The following PLXNA1 variants were observed in gnomAD, a reference collection of about 807,000 sequenced individuals.
The protein encoded by PLXNA1 is plexin A1.
In PLXNA1, 77 loss-of-function variants were observed where a neutral mutation model predicts 191.7. The ratio of observed to expected loss-of-function variants is 0.40; its 90% CI spans 0.33 to 0.49. The LOEUF is 0.49. Among genes scored for constraint, PLXNA1 ranks in the 20% least tolerant of loss-of-function variants. PLXNA1 has a pLI of 0.63. For synonymous variants in PLXNA1, 1,137 were observed against 1,156.4 expected (o/e 0.98, Z 0.34); for missense variants, 2,110 against 2,660.2 (o/e 0.79, Z 4.55).
intron 3 of PLXNA1, among the ~76,000 whole-genome samples, chr3:127,002,088 C>T (rs2079043655): frequency 6.6e-6 from 1 of 152,236 alleles, no homozygotes; most frequent in Admixed American, 6.5e-5. Flanking sequence ...GCCCCACCGG[C>T]AGGGGTGCTG....
intron 8 of PLXNA1, 45 bp downstream of exon 8, chr3:127,006,223 T>A: frequency 2.8e-6 from 4 of 1,447,786 alleles, no homozygotes; most frequent in South Asian, 1.1e-5. Context: ...CTGGGCTACT[T>A]GCCCCACTCC....
At position 127,007,840 on chromosome 3, in the gene PLXNA1, G is replaced by A. The variant is rs1237806582; in HGVS notation, c.2039G>A (p.Cys680Tyr). 2 of 1,612,796 alleles carry A rather than the reference G, an allele frequency of 1.2e-6. No homozygotes were observed. The highest frequency in any genetic ancestry group is 8.5e-7 in the Non-Finnish European group (1 of 1,179,502). The change falls in exon 9 of 32, where the codon TGC becomes TAC. Residue 680 changes from cysteine to tyrosine, a missense_variant. Coordinates refer to ENST00000393409, the MANE Select transcript of PLXNA1 (RefSeq NM_032242.4). ...AACGGCTCCTTTCCCTGCCACTGGT[G>A]CAAATACCGCCACGTGTGCACACAC... is the stretch of plus-strand genomic sequence containing the variant. ...CVNGSFPCHW[C>Y]KYRHVCTHNV... is the part of the protein sequence containing the mutation.
chr3:127,014,648 G>T lies in PLXNA1; in HGVS notation c.2756+19G>T, dbSNP rs780579284. The T allele has an allele frequency of 8.7e-6, 14 of 1,612,498 alleles. No homozygotes were observed. In the South Asian group the frequency reaches 1.5e-4, roughly 18 times the overall value. The stretch of plus-strand genomic sequence containing the variant: ...CGGAGCAGTGAGTGCAGCCCTGGGT[G>T]TGTGCGGGGCGGGACGGGACGGGGC... On this transcript the variant is annotated intron_variant, in intron 13 of 31. Transcript: ENST00000393409.
chr3:126,986,423 G>T (rs2078959351), intron 1 of PLXNA1, among the ~76,000 whole-genome samples: 1 of 152,232 alleles, frequency 6.6e-6, no homozygotes, highest in South Asian at 2.1e-4. Context: ...GCTTCTGAGA[G>T]CCTCGGTTTC....
At chr3:127,018,270 T>A (rs1385415239) in intron 19 of PLXNA1, 24 bp from the exon 20 acceptor site, 1 of 1,559,762 alleles carries the variant, frequency 6.4e-7, no homozygotes, top group South Asian at 1.2e-5. Context: ...GGGAAGCTCC[T>A]GAGTGGCCTC....
intron 20 of PLXNA1, 148 bp downstream of exon 20, chr3:127,018,676 C>T: frequency 1.4e-6 from 1 of 696,620 alleles, no homozygotes; most frequent in Non-Finnish European, 2.4e-6. Context: ...AGAGCTGGTC[C>T]CAGGGCAGTG....
rs185862933 is a variant in PLXNA1, at chr3:127,030,805, G to C, written c.5231+393G>C. Among the ~76,000 whole-genome samples the C allele has an allele frequency of 2.0e-5, 3 of 152,336 alleles. No homozygotes were observed. The East Asian group carries it at 5.8e-4, about 29-fold the overall frequency. On this transcript the variant is annotated intron_variant, in intron 29 of 31. Coordinates refer to ENST00000393409, the MANE Select transcript of PLXNA1 (RefSeq NM_032242.4). The stretch of plus-strand genomic sequence containing the variant: ...CTGCAGGTACTCCTGGTAGTCTTTA[G>C]TGCGAGGAATTTACAGCCTCCCCAT...
Position 127,015,332 on chromosome 3 carries a change from A to C in PLXNA1, c.3014+12A>C. On this transcript the variant is annotated intron_variant, in intron 15 of 31. Coordinates refer to ENST00000393409, the MANE Select transcript of PLXNA1 (RefSeq NM_032242.4). ...TGCTCCTTCTCCTGGTACGGGGTGC[A>C]GGTGGGGGTGGGGGCCTGGCTGCCC... 9 of 863,692 alleles carry C rather than the reference A, an allele frequency of 1.0e-5. No individual in the cohort carries two copies. The highest frequency in any genetic ancestry group is 1.6e-5 in the Non-Finnish European group (9 of 578,014). The allele number at this position is 863,692 out of a possible 1,614,324, so 53.5% of individuals were successfully genotyped here.
Position 127,007,846 on chromosome 3 carries a change from A to G in PLXNA1, c.2045A>G (p.Tyr682Cys), listed in dbSNP as rs773735108. ...NGSFPCHWCK[Y>C]RHVCTHNVAD... ...TCCTTTCCCTGCCACTGGTGCAAATACCGCCACGTGTGCACACACAACGTG... is the reference window on the plus strand; with the variant it reads ...TCCTTTCCCTGCCACTGGTGCAAATGCCGCCACGTGTGCACACACAACGTG... Residue 682 changes from tyrosine to cysteine, a missense_variant, in exon 9 of 32, where the codon TAC (tyrosine) becomes TGC (cysteine). Physicochemically the swap from Tyr to Cys is radical, Grantham distance 194. Around this residue, in one of 4 missense-constraint regions of PLXNA1, gnomAD observed 903 missense variants for 1,015.7 expected, o/e 0.89. Coordinates refer to ENST00000393409, the MANE Select transcript of PLXNA1 (RefSeq NM_032242.4). 1 of 1,612,672 alleles carries G rather than the reference A, an allele frequency of 6.2e-7. No homozygotes were observed. Among genetic ancestry groups the G allele is most frequent in the Non-Finnish European group, 8.5e-7 (1 of 1,179,452 alleles).
At chr3:127,000,121 A>G (rs1368428539) in intron 3 of PLXNA1, among the ~76,000 whole-genome samples, 1 of 146,534 alleles carries the variant, frequency 6.8e-6, no homozygotes, top group Admixed American at 6.7e-5. Flanking sequence ...GGCGGCATGC[A>G]TGGGCAGCGC....
intron 26 of PLXNA1, 120 bp from the exon 27 acceptor site, chr3:127,029,320 G>T: frequency 1.1e-6 from 1 of 951,526 alleles, no homozygotes. Context: ...CAGACTGAGT[G>T]AGGTGGCTGC....
At position 126,988,608 on chromosome 3, in the gene PLXNA1, G is replaced by A. The variant is rs552827234; in HGVS notation, c.15G>A (p.Pro5=). 86 of 1,538,822 alleles carry A rather than the reference G, an allele frequency of 5.6e-5. No homozygotes were observed. The East Asian group carries it at 9.1e-4, about 16-fold the overall frequency. MPLP[P]RSLQVLLLLL... ...CCCAGCCTGCCATGCCGCTGCCACC[G>A]CGGAGCCTGCAGGTGCTCCTGCTGC... The change falls in exon 2 of 32, where the codon CCG becomes CCA. Residue 5 remains proline, a synonymous_variant. Transcript: ENST00000393409.
At position 127,034,797 on chromosome 3, in the gene PLXNA1, G is replaced by A. The variant is rs1048427068; in HGVS notation, c.*780G>A. On this transcript the variant is annotated 3_prime_UTR_variant, in exon 32 of 32. Coordinates refer to ENST00000393409, the MANE Select transcript of PLXNA1 (RefSeq NM_032242.4). ...TGTGCCTCTGGGAGCCACTGGGCCA[G>A]GGGCCCCGGGTCGCAGAGAGCACGT... The A allele has an allele frequency of 6.5e-6, 1 of 152,680 alleles. No homozygotes were observed. Among genetic ancestry groups the A allele is most frequent in the Admixed American group, 6.5e-5 (1 of 15,290 alleles). 9.5% of individuals were successfully genotyped at this position (152,680 alleles called of 1,614,324 possible).
At position 126,989,537 on chromosome 3, in the gene PLXNA1, C is replaced by G; in HGVS notation, c.944C>G (p.Ala315Gly). The G allele has an allele frequency of 1.2e-6, 2 of 1,613,278 alleles. No individual in the cohort carries two copies. Among genetic ancestry groups the G allele is most frequent in the Non-Finnish European group, 1.7e-6 (2 of 1,180,042 alleles). The change falls in exon 2 of 32, where the codon GCC becomes GGC. Residue 315 changes from alanine to glycine, a missense_variant. Ala to Gly is a moderately conservative substitution (Grantham distance 60). Around this residue, in one of 4 missense-constraint regions of PLXNA1, gnomAD observed 903 missense variants for 1,015.7 expected, o/e 0.89. Coordinates refer to ENST00000393409, the MANE Select transcript of PLXNA1 (RefSeq NM_032242.4). ...GTGGAGTACCGCCTGGTGCAGGATGCCTACCTGAGCCGGCCCGGCCGTGCC... is the reference window on the plus strand; with the variant it reads ...GTGGAGTACCGCCTGGTGCAGGATGGCTACCTGAGCCGGCCCGGCCGTGCC... ...AGVEYRLVQD[A>G]YLSRPGRALA...
chr3:127,004,795 A>G, intron 5 of PLXNA1, 84 bp downstream of exon 5: 2 of 1,590,854 alleles, frequency 1.3e-6, no homozygotes, highest in Non-Finnish European at 1.7e-6. Flanking sequence ...GTGCAGGGCA[A>G]GCCACCCCGA....
At chr3:127,027,507 A>G in intron 23 of PLXNA1, 1 of 370,970 alleles carries the variant, frequency 2.7e-6, no homozygotes, top group East Asian at 7.2e-5. Flanking sequence ...CGCTTGTGCC[A>G]TGGGCGGTGG....
In PLXNA1 at chr3:127,032,672, C is replaced by T. The variant is rs774250796; in HGVS notation, c.5445-14C>T. 5 of 1,612,048 alleles carry T rather than the reference C, an allele frequency of 3.1e-6. No homozygotes were observed. In the African/African-American group the frequency reaches 6.7e-5, roughly 22 times the overall value. ...GGACTCTGCTCATGTGCCCACCTGG[C>T]CACTCACCTGCAGGTACTATGCAGA... On this transcript the variant is annotated splice_polypyrimidine_tract_variant and intron_variant, in intron 30 of 31. Coordinates refer to ENST00000393409, the MANE Select transcript of PLXNA1 (RefSeq NM_032242.4).
In PLXNA1 at chr3:127,004,900, C is replaced by G. The variant is rs781343030; in HGVS notation, c.1635C>G (p.Asp545Glu). The G allele has an allele frequency of 6.2e-7, 1 of 1,600,316 alleles. No individual in the cohort carries two copies. Among genetic ancestry groups the G allele is most frequent in the Non-Finnish European group, 8.5e-7 (1 of 1,171,636 alleles). Residue 545 changes from aspartate (D) to glutamate (E), a missense_variant, in exon 6 of 32, where the codon GAC becomes GAG. Physicochemically the swap from Asp to Glu is conservative, Grantham distance 45. Around this residue, in one of 4 missense-constraint regions of PLXNA1, gnomAD observed 903 missense variants for 1,015.7 expected, o/e 0.89. Coordinates refer to ENST00000393409, the MANE Select transcript of PLXNA1 (RefSeq NM_032242.4). Reference protein sequence around the residue: ...CVLHSICSRRDACERADEPQR... With the variant: ...CVLHSICSRREACERADEPQR... ...CTGCCTGCAGCTGCTCGCGGCGGGA[C>G]GCCTGTGAGCGAGCAGACGAGCCCC...
At chr3:126,996,014 G>T (rs2079013380) in intron 3 of PLXNA1, among the ~76,000 whole-genome samples, 1 of 152,168 alleles carries the variant, frequency 6.6e-6, no homozygotes, top group South Asian at 2.1e-4. Flanking sequence ...GTGCTCATGG[G>T]CCCTCAGGAC....
Sources: gnomAD v4.1 joint callset for allele counts (sites outside exome capture counted in the v4.1 genomes callset) on GRCh38, gnomAD v4.1.1 for gene constraint, gnomAD v4.1.1 regional missense constraint, MANE v1.5 for transcripts, NCBI Gene and HGNC (gene_info 2026-07-23, HGNC 2026-07-21) for gene names.